Variants in SORL1 observed in about 807,000 individuals in gnomAD.
SORL1 encodes the protein sortilin-related receptor.
SORL1 carries 127 observed loss-of-function variants against 273.7 expected under a neutral mutation model. The observed-to-expected ratio is 0.46, with a 90% CI of 0.40 to 0.54. The LOEUF (loss-of-function observed/expected upper bound fraction) is 0.54. Among genes scored for constraint, SORL1 ranks in the 20% least tolerant of loss-of-function variants. The probability of loss-of-function intolerance (pLI) is 0.00; values close to 1 mark genes in which losing one functional copy is unlikely to be tolerated. For synonymous variants in SORL1, 1,031 were observed against 1,067.4 expected (o/e 0.97, Z 0.66); for missense variants, 2,494 against 2,846.1 (o/e 0.88, Z 2.81).
At position 121,555,255 on chromosome 11, in the gene SORL1, T is replaced by G; in HGVS notation, c.2508T>G (p.Ala836=). 1 of 1,614,120 alleles carries G rather than the reference T, an allele frequency of 6.2e-7. No homozygotes were observed. The highest frequency in any genetic ancestry group is 8.5e-7 in the Non-Finnish European group (1 of 1,179,946). The change falls in exon 18 of 48, where the codon GCT becomes GCG. Residue 836 remains alanine (A), a synonymous_variant. Transcript: ENST00000260197. Reference sequence around the variant, plus strand: ...ATTCTGGCCTGGAGACAGTAGAAGCTTTGGCTTTTGAACCCCTCAGCCAGC... The same window carrying G: ...ATTCTGGCCTGGAGACAGTAGAAGCGTTGGCTTTTGAACCCCTCAGCCAGC... ...IINSGLETVE[A]LAFEPLSQLL...
At chr11:121,455,839 A>G (rs1198482476) in intron 1 of SORL1, among the ~76,000 whole-genome samples, 1 of 152,168 alleles carries the variant, frequency 6.6e-6, no homozygotes, top group Non-Finnish European at 1.5e-5. Context: ...CTAAAACTAC[A>G]AAAATTCACT....
chr11:121,476,105 T>C (rs559983192), intron 2 of SORL1, among the ~76,000 whole-genome samples: 1 of 152,358 alleles, frequency 6.6e-6, no homozygotes, highest in African/African-American at 2.4e-5. Flanking sequence ...CGTGGGGGGT[T>C]ATCAAATTAT....
At chr11:121,590,737 C>A in intron 30 of SORL1, 1 of 687,218 alleles carries the variant, frequency 1.5e-6, no homozygotes. Flanking sequence ...CCAGCCCCTG[C>A]AAAAGCAAAC....
At chr11:121,601,256 A>G (rs1591347558) in intron 32 of SORL1, among the ~76,000 whole-genome samples, 1 of 138,876 alleles carries the variant, frequency 7.2e-6, no homozygotes, top group African/African-American at 2.7e-5. Flanking sequence ...ATAGTATTCC[A>G]TGGTGTATAT....
chr11:121,552,892 T>C (rs987231027), intron 16 of SORL1, among the ~76,000 whole-genome samples: 3 of 152,170 alleles, frequency 2.0e-5, no homozygotes, highest in Non-Finnish European at 4.4e-5. Context: ...ATGCACACTT[T>C]AGACACAGAT....
chr11:121,536,849 G>T (rs1862275027), intron 12 of SORL1, among the ~76,000 whole-genome samples: 1 of 152,060 alleles, frequency 6.6e-6, no homozygotes, highest in South Asian at 2.1e-4. Context: ...AAAGTAAGAG[G>T]TCTTATTCCT....
intron 6 of SORL1, among the ~76,000 whole-genome samples, chr11:121,499,960 G>C (rs1021774971): frequency 2.0e-5 from 3 of 152,226 alleles, no homozygotes; most frequent in African/African-American, 7.2e-5. Context: ...CTTCTGGACT[G>C]GAGCTGGTGT....
intron 6 of SORL1, among the ~76,000 whole-genome samples, chr11:121,512,188 A>G (rs189285815): frequency 1.9e-4 from 29 of 152,358 alleles, no homozygotes; most frequent in East Asian, 1.2e-3. Flanking sequence ...AAATTTGCAT[A>G]TATGTTTACA....
At chr11:121,461,380 G>A (rs1223809729) in intron 1 of SORL1, among the ~76,000 whole-genome samples, 1 of 152,120 alleles carries the variant, frequency 6.6e-6, no homozygotes, top group Non-Finnish European at 1.5e-5. Context: ...AACAGAGCTG[G>A]GGGAGTTTAG....
chr11:121,462,190 CT>C (rs150721414), intron 1 of SORL1, among the ~76,000 whole-genome samples: 2,575 of 152,202 alleles, frequency 0.017, 67 homozygotes, highest in Non-Finnish European at 0.021. Context: ...GGATCCACAG[CT>C]TTTTTGCAGT....
chr11:121,562,264 T>C (rs1237393461), intron 21 of SORL1, among the ~76,000 whole-genome samples: 2 of 152,166 alleles, frequency 1.3e-5, no homozygotes, highest in Non-Finnish European at 2.9e-5. Context: ...AACAGGTGAC[T>C]CCTCTAAGAA....
intron 21 of SORL1, among the ~76,000 whole-genome samples, chr11:121,560,325 A>G (rs1346085320): frequency 6.6e-6 from 1 of 152,208 alleles, no homozygotes; most frequent in Non-Finnish European, 1.5e-5. Flanking sequence ...TTAGAGATCT[A>G]CTGGGTGAGG....
chr11:121,570,005 G>A (rs1269391843), intron 22 of SORL1, 152 bp from the exon 23 acceptor site: 1 of 514,726 alleles, frequency 1.9e-6, no homozygotes, highest in Non-Finnish European at 3.5e-6. Context: ...AAGAACCTAT[G>A]TGAAATATCG....
At chr11:121,519,412 CTT>C (rs537633898) in intron 8 of SORL1, among the ~76,000 whole-genome samples, 5 of 142,158 alleles carry the variant, frequency 3.5e-5, no homozygotes, top group Admixed American at 7.0e-5. Context: ...TTCTCTCTCT[CTT>C]TTTTTTTTTT....
intron 6 of SORL1, among the ~76,000 whole-genome samples, chr11:121,503,321 G>A (rs924578452): frequency 5.3e-5 from 8 of 151,580 alleles, no homozygotes; most frequent in African/African-American, 1.9e-4. Context: ...TACAGTCTAT[G>A]ATTCATTTTC....
In SORL1 at chr11:121,630,278, A is replaced by T. The variant is rs1863856704; in HGVS notation, c.*715A>T. 6.6e-6 allele frequency: 1 copy of T among 152,236 alleles called. No homozygotes were observed. Among genetic ancestry groups the T allele is most frequent in the Non-Finnish European group, 1.5e-5 (1 of 68,074 alleles). 9.4% of individuals were successfully genotyped at this position (152,236 alleles called of 1,614,324 possible). ...AGAGCTGCAGCTTGGGAAGCCCTGT[A>T]AGCCCACAGCTTCCTCTCTTATATT... On this transcript the variant is annotated 3_prime_UTR_variant, in exon 48 of 48. Transcript: ENST00000260197.
chr11:121,472,845 A>G (rs368862846), intron 2 of SORL1, among the ~76,000 whole-genome samples: 3 of 152,266 alleles, frequency 2.0e-5, no homozygotes, highest in African/African-American at 7.2e-5. Flanking sequence ...CTGTAATTCC[A>G]GCTACTCGGG....
At chr11:121,543,317 T>G (rs1862375661) in intron 12 of SORL1, among the ~76,000 whole-genome samples, 1 of 152,268 alleles carries the variant, frequency 6.6e-6, no homozygotes, top group Non-Finnish European at 1.5e-5. Context: ...TTTTTTATGT[T>G]TGAATTCTCC....
At chr11:121,600,384 T>G (rs1362666546) in intron 32 of SORL1, among the ~76,000 whole-genome samples, 1 of 152,200 alleles carries the variant, frequency 6.6e-6, no homozygotes, top group Non-Finnish European at 1.5e-5. Flanking sequence ...AGTGTACAGT[T>G]CTACACTTAC....
Sources: gnomAD v4.1 joint callset for allele counts (sites outside exome capture counted in the v4.1 genomes callset) on GRCh38, gnomAD v4.1.1 for gene constraint, MANE v1.5 for transcripts, NCBI Gene and HGNC (gene_info 2026-07-23, HGNC 2026-07-21) for gene names.